The following WSCD1 variants were observed in gnomAD, a reference collection of about 807,000 sequenced individuals.
WSCD1 encodes WSC domain sialate O sulfotransferase 1.
Under a neutral mutation model 60.4 loss-of-function variants are expected in WSCD1, and 41 were observed. The ratio of observed to expected loss-of-function variants is 0.68; its 90% CI spans 0.53 to 0.88. The LOEUF (loss-of-function observed/expected upper bound fraction) is 0.88. Among genes scored for constraint, WSCD1 ranks in the 40% least tolerant of loss-of-function variants. WSCD1 has a pLI of 0.00. For synonymous variants in WSCD1, 361 were observed against 332.5 expected (o/e 1.09, Z -0.93); for missense variants, 784 against 796.2 (o/e 0.98, Z 0.18).
At position 6,088,032 on chromosome 17, in the gene WSCD1, C is replaced by G. The variant is rs1211778364; in HGVS notation, c.470C>G (p.Thr157Ser). ...TTCAGTGACGATGGCCACGAGAGGA[C>G]TCTGAAAGGAGCTGTGTTTTATGAC... ...GCFSDDGHER[T>S]LKGAVFYDLR... The change falls in exon 3 of 9, where the codon ACT becomes AGT. Residue 157 changes from threonine to serine, a missense_variant. Coordinates refer to ENST00000317744, the MANE Select transcript of WSCD1 (RefSeq NM_015253.2). 1 of 1,614,204 alleles carries G rather than the reference C, an allele frequency of 6.2e-7. No individual in the cohort carries two copies. The highest frequency in any genetic ancestry group is 1.3e-5 in the African/African-American group (1 of 75,056).
Position 6,070,394 on chromosome 17 carries a change from C to A in WSCD1, c.-547C>A. 1 of 146,878 alleles carries A rather than the reference C, an allele frequency of 6.8e-6. No homozygotes were observed. Among genetic ancestry groups the A allele is most frequent in the South Asian group, 1.8e-4 (1 of 5,576 alleles). 9.1% of individuals were successfully genotyped at this position (146,878 alleles called of 1,614,324 possible). A position where few individuals can be genotyped will look rare whatever the true frequency, so the allele number is the denominator to read the frequency against. ...GTGAGCATGTGCAGAGCCCGGCGCCCGCTCGCCCGCCCGCTGCCCGCCCCG... is the reference window on the plus strand; with the variant it reads ...GTGAGCATGTGCAGAGCCCGGCGCCAGCTCGCCCGCCCGCTGCCCGCCCCG... On this transcript the variant is annotated 5_prime_UTR_variant, in exon 1 of 9. Transcript: ENST00000317744.
intron 3 of WSCD1, among the ~76,000 whole-genome samples, chr17:6,089,627 G>A (rs775395376): frequency 2.6e-5 from 4 of 152,164 alleles, no homozygotes; most frequent in Non-Finnish European, 4.4e-5. Flanking sequence ...GAGTTGTTGT[G>A]AGCCCGTTCT....
intron 5 of WSCD1, among the ~76,000 whole-genome samples, chr17:6,098,184 C>T (rs966687351): frequency 1.3e-5 from 2 of 151,702 alleles, no homozygotes; most frequent in Non-Finnish European, 2.9e-5. Context: ...GTTGCCCAGA[C>T]TGGTCTTGAA....
chr17:6,115,577 T>TTTTTC (rs1007161112), intron 7 of WSCD1, among the ~76,000 whole-genome samples: 8 of 152,124 alleles, frequency 5.3e-5, no homozygotes, highest in African/African-American at 9.7e-5. Context: ...TTTCTTTCCT[T>TTTTTC]TTTTCTTTTC....
intron 5 of WSCD1, among the ~76,000 whole-genome samples, chr17:6,098,595 T>C (rs1035572798): frequency 2.6e-5 from 4 of 152,178 alleles, no homozygotes; most frequent in Admixed American, 6.5e-5. Flanking sequence ...TCCTCAGCAC[T>C]CACAACACTG....
chr17:6,094,033 C>T (rs376313154), intron 4 of WSCD1, among the ~76,000 whole-genome samples: 3 of 152,184 alleles, frequency 2.0e-5, no homozygotes, highest in East Asian at 1.9e-4. Context: ...GTTTGCACCA[C>T]GTGGTGTGGC....
rs773583789 is a variant in WSCD1 at position 6,118,170 on chromosome 17, C to T, written c.1357C>T (p.Arg453Cys). 9.3e-6 allele frequency: 15 copies of T among 1,613,984 alleles called. No individual in the cohort carries two copies. The highest frequency in any genetic ancestry group is 1.7e-4 in the Middle Eastern group (1 of 6,058). Reference sequence around the variant, plus strand: ...CGGGCACCTGGGATATGCAGCTGACCGCAACTGGAAGAGCAAAGGTAATCA... The same window carrying T: ...CGGGCACCTGGGATATGCAGCTGACTGCAACTGGAAGAGCAAAGGTAATCA... ...CAGHLGYAAD[R>C]NWKSKEWPDF... The change falls in exon 8 of 9, where the codon CGC becomes TGC. Residue 453 changes from arginine to cysteine, a missense_variant. By Grantham distance (180) the Arg-to-Cys change is radical. Transcript: ENST00000317744. This position sits in a 1 kb window ranked among gnomAD's most constrained non-coding sequence, Gnocchi z 5.8.
At chr17:6,111,163 C>T (rs1212110699) in intron 7 of WSCD1, among the ~76,000 whole-genome samples, 2 of 152,142 alleles carry the variant, frequency 1.3e-5, no homozygotes, top group African/African-American at 4.8e-5. Flanking sequence ...TATCCACAAA[C>T]ACCCACGATC....
Position 6,118,098 on chromosome 17 carries a change from C to T in WSCD1, c.1285C>T (p.Arg429Trp), listed in dbSNP as rs771711502. Residue 429 changes from arginine (R) to tryptophan (W), a missense_variant, in exon 8 of 9, where the codon CGG (arginine) becomes TGG (tryptophan). By Grantham distance (101) the Arg-to-Trp change is moderately radical. Coordinates refer to ENST00000317744, the MANE Select transcript of WSCD1 (RefSeq NM_015253.2). This position sits in a 1 kb window ranked among gnomAD's most constrained non-coding sequence, Gnocchi z 5.8. The part of the protein sequence containing the change: ...EMFDSAILLI[R>W]NPYRSLVAEF... ...GTTTGATTCAGCCATCCTGCTAATC[C>T]GGAACCCATACAGGTCCCTGGTGGC... 6.2e-6 allele frequency: 10 copies of T among 1,614,152 alleles called. No individual in the cohort carries two copies. The highest frequency in any genetic ancestry group is 2.2e-5 in the South Asian group (2 of 91,078).
chr17:6,089,069 A>G (rs1040377030), intron 3 of WSCD1, among the ~76,000 whole-genome samples: 1 of 152,206 alleles, frequency 6.6e-6, no homozygotes, highest in African/African-American at 2.4e-5. Context: ...GGCGTGAGCC[A>G]CCACACCCGG....
rs1391529371 is a variant in WSCD1 at position 6,081,184 on chromosome 17, A to T, written c.427+99A>T. On this transcript the variant is annotated intron_variant, in intron 2 of 8. Transcript: ENST00000317744. ...TTCTCTCTGCAGGCCTGTGGCCTTC[A>T]CCGCTAGATGGTTCTTTCCTTCTGC... The T allele has an allele frequency of 2.2e-6, 3 of 1,334,680 alleles. No homozygotes were observed. The East Asian group carries it at 7.6e-5, about 34-fold the overall frequency. The allele number at this position is 1,334,680 out of a possible 1,614,324, so 82.7% of individuals were successfully genotyped here. A position where few individuals can be genotyped will look rare whatever the true frequency, so the allele number is the denominator to read the frequency against.
chr17:6,090,095 A>T lies in WSCD1; in HGVS notation c.543-226A>T, dbSNP rs570205965. Among the ~76,000 whole-genome samples the T allele has an allele frequency of 1.1e-3, 164 of 152,378 alleles. 3 individuals carry two copies. The South Asian group carries it at 0.011, about 11-fold the overall frequency. On this transcript the variant is annotated intron_variant, in intron 3 of 8. Transcript: ENST00000317744. ...GTTATCCCTCTTATACAGATGGAGA[A>T]TCTGAGGCTGGAGAAAGAAAAGACA...
At chr17:6,085,207 T>C (rs1909554315) in intron 2 of WSCD1, among the ~76,000 whole-genome samples, 1 of 152,262 alleles carries the variant, frequency 6.6e-6, no homozygotes, top group Non-Finnish European at 1.5e-5. Context: ...AGCATTGTAT[T>C]GTATAGACAT....
intron 7 of WSCD1, among the ~76,000 whole-genome samples, chr17:6,111,417 G>A (rs1213418426): frequency 6.6e-6 from 1 of 152,132 alleles, no homozygotes; most frequent in Admixed American, 6.5e-5. Context: ...AAAAAGCAAG[G>A]AGGCCAGGCG....
chr17:6,094,918 C>G (rs751478751), intron 4 of WSCD1, among the ~76,000 whole-genome samples, 184 bp from the exon 5 acceptor site: 2 of 151,874 alleles, frequency 1.3e-5, no homozygotes, highest in Non-Finnish European at 2.9e-5. Context: ...GTGCTGATGC[C>G]TGGTTTCTCT....
At position 6,075,931 on chromosome 17, in the gene WSCD1, C is replaced by T. The variant is rs754611867; in HGVS notation, c.-288-4440C>T. Among the ~76,000 whole-genome samples, 2 of 152,118 alleles carry T rather than the reference C, an allele frequency of 1.3e-5. No individual in the cohort carries two copies. Among genetic ancestry groups the T allele is most frequent in the African/African-American group, 2.4e-5 (1 of 41,382 alleles). ...CAGTGGGCTGGGGCGGGAACACTCA[C>T]GGACAAGGCACTGTCTGGAAGGCTT... is the stretch of plus-strand genomic sequence containing the variant. On this transcript the variant is annotated intron_variant, in intron 1 of 8. Transcript: ENST00000317744. This position sits in a 1 kb window ranked among gnomAD's most constrained non-coding sequence, Gnocchi z 4.1.
intron 2 of WSCD1, among the ~76,000 whole-genome samples, chr17:6,085,725 T>G (rs1317575203): frequency 6.6e-6 from 1 of 152,238 alleles, no homozygotes; most frequent in Non-Finnish European, 1.5e-5. Context: ...GAGCTTATGC[T>G]TTGGCTGTTT....
At chr17:6,096,561 C>T (rs769549546) in intron 5 of WSCD1, among the ~76,000 whole-genome samples, 2 of 152,128 alleles carry the variant, frequency 1.3e-5, no homozygotes, top group African/African-American at 2.4e-5. Context: ...CCAGCATTTC[C>T]GAAGCCACAG....
At chr17:6,079,691 T>C (rs1192880811) in intron 1 of WSCD1, among the ~76,000 whole-genome samples, 1 of 152,194 alleles carries the variant, frequency 6.6e-6, no homozygotes, top group Non-Finnish European at 1.5e-5. Flanking sequence ...AGAAGCTCCT[T>C]CCAACCCAGG....
Sources: allele counts gnomAD v4.1 joint callset (sites outside exome capture counted in the v4.1 genomes callset), GRCh38; gene constraint gnomAD v4.1.1; non-coding constraint Gnocchi (gnomAD v3.1); transcripts MANE v1.5; gene names NCBI Gene and HGNC (gene_info 2026-07-23, HGNC 2026-07-21).